Variants in GPR26 observed in about 807,000 individuals in gnomAD.
GPR26 encodes G protein-coupled receptor 26.
In GPR26, 15 loss-of-function variants were observed where a neutral mutation model predicts 23.1. The ratio of observed to expected loss-of-function variants is 0.65; its 90% confidence interval spans 0.43 to 1.00. The LOEUF (loss-of-function observed/expected upper bound fraction) is 1.00, where lower values mean the gene tolerates loss of function less well. GPR26 is among the 50% of genes least tolerant of loss of function. The probability of loss-of-function intolerance (pLI) is 0.00; values close to 1 mark genes in which losing one functional copy is unlikely to be tolerated. For missense variants in GPR26, 359 were observed against 470.5 expected, an observed-to-expected ratio of 0.76 and a Z score of 2.19; for synonymous variants, 228 against 222.1, an observed-to-expected ratio of 1.03 and a Z score of -0.24.
intron 1 of GPR26, among the ~76,000 whole-genome samples, chr10:123,671,914 G>C (rs1036947388): frequency 6.6e-6 from 1 of 152,206 alleles, no homozygotes; most frequent in South Asian, 2.1e-4. Flanking sequence ...GCTATGGAGG[G>C]GGACAAAATG....
At chr10:123,679,215 C>T (rs1466820483) in intron 2 of GPR26, among the ~76,000 whole-genome samples, 1 of 152,082 alleles carries the variant, frequency 6.6e-6, no homozygotes, top group African/African-American at 2.4e-5. Context: ...GGCAAAGGAC[C>T]CTCTAAGCTA....
intron 2 of GPR26, among the ~76,000 whole-genome samples, chr10:123,681,221 C>T (rs1189448837): frequency 6.6e-6 from 1 of 152,172 alleles, no homozygotes; most frequent in African/African-American, 2.4e-5. Flanking sequence ...GACTCAGCCT[C>T]AGTTCTAGTG....
At chr10:123,677,107 T>C (rs573684781) in intron 2 of GPR26, among the ~76,000 whole-genome samples, 16 of 152,172 alleles carry the variant, frequency 1.1e-4, no homozygotes, top group African/African-American at 3.6e-4. Flanking sequence ...CCTCAGAGGA[T>C]AGGTGACACG....
intron 2 of GPR26, among the ~76,000 whole-genome samples, chr10:123,678,381 A>T (rs113374293): frequency 3.9e-5 from 6 of 152,258 alleles, no homozygotes; most frequent in African/African-American, 1.4e-4. Flanking sequence ...GAGGATGCTC[A>T]GAACTTCCTC....
intron 1 of GPR26, among the ~76,000 whole-genome samples, chr10:123,669,428 G>A (rs1301261615): frequency 6.6e-6 from 1 of 152,226 alleles, no homozygotes; most frequent in Non-Finnish European, 1.5e-5. Context: ...CAAGTACAGA[G>A]CTAGCTCAGG....
chr10:123,666,930 G>T lies in GPR26; in HGVS notation c.523G>T (p.Ala175Ser). ...CCTGCGCTTCGCCGTCTTCACTGGCGCCTTCCACGCTCTCAGCTTCCTGCT... is the reference window on the plus strand; with the variant it reads ...CCTGCGCTTCGCCGTCTTCACTGGCTCCTTCCACGCTCTCAGCTTCCTGCT... The part of the protein sequence containing the change: ...ERLRFAVFTG[A>S]FHALSFLLSF... Residue 175 changes from alanine to serine, a missense_variant, in exon 1 of 3, where the codon GCC becomes TCC. Coordinates refer to ENST00000284674, the MANE Select transcript of GPR26 (RefSeq NM_153442.4). The T allele has an allele frequency of 6.2e-7, 1 of 1,613,498 alleles. No individual in the cohort carries two copies. Among genetic ancestry groups the T allele is most frequent in the Non-Finnish European group, 8.5e-7 (1 of 1,179,868 alleles).
intron 2 of GPR26, among the ~76,000 whole-genome samples, chr10:123,682,978 G>A (rs978064511): frequency 2.0e-5 from 3 of 152,140 alleles, no homozygotes; most frequent in African/African-American, 2.4e-5. Context: ...AGTACACAAC[G>A]TATGTGTGTG....
Position 123,688,025 on chromosome 10 carries a change from G to A in GPR26, c.879G>A (p.Val293=). 1 of 1,613,964 alleles carries A rather than the reference G, an allele frequency of 6.2e-7. No individual in the cohort carries two copies. The highest frequency in any genetic ancestry group is 8.5e-7 in the Non-Finnish European group (1 of 1,179,898). ...GCAAGGCCGCATCCGACCCCTTTGT[G>A]TACTCCTTACTGCGACACCAGTACC... The part of the protein sequence containing the change: ...AYSKAASDPF[V]YSLLRHQYRK... Residue 293 remains valine (V), a synonymous_variant, in exon 3 of 3, where the codon GTG becomes GTA. Transcript: ENST00000284674.
chr10:123,675,316 C>T (rs375676074), intron 2 of GPR26, among the ~76,000 whole-genome samples: 22 of 152,154 alleles, frequency 1.4e-4, no homozygotes, highest in African/African-American at 5.3e-4. Context: ...CCACTGAATG[C>T]AAGATGGCCC....
At chr10:123,679,436 T>C (rs538287356) in intron 2 of GPR26, among the ~76,000 whole-genome samples, 62 of 152,332 alleles carry the variant, frequency 4.1e-4, no homozygotes, top group African/African-American at 1.4e-3. Flanking sequence ...CTGGAGAGCT[T>C]TACATCCAAA....
intron 2 of GPR26, among the ~76,000 whole-genome samples, chr10:123,681,031 G>A (rs1219815): frequency 0.59 from 89,159 of 151,748 alleles, 26,408 homozygotes; most frequent in East Asian, 0.82. Flanking sequence ...TAGAGATGGG[G>A]TTTCACCATG....
Position 123,666,839 on chromosome 10 carries a change from G to T in GPR26, c.432G>T (p.Leu144=). 1 of 1,610,678 alleles carries T rather than the reference G, an allele frequency of 6.2e-7. No homozygotes were observed. The highest frequency in any genetic ancestry group is 8.5e-7 in the Non-Finnish European group (1 of 1,178,818). Residue 144 remains leucine, a synonymous_variant, in exon 1 of 3, where the codon CTG becomes CTT. Coordinates refer to ENST00000284674, the MANE Select transcript of GPR26 (RefSeq NM_153442.4). ...ALTFPAAALA[L]SWLGFHQLYA... is the part of the protein sequence containing the mutation. Reference sequence around the variant, plus strand: ...CCTTCCCAGCCGCCGCGCTCGCCCTGTCCTGGCTCGGCTTCCACCAGCTGT... The same window carrying T: ...CCTTCCCAGCCGCCGCGCTCGCCCTTTCCTGGCTCGGCTTCCACCAGCTGT...
chr10:123,678,732 C>A (rs1845335401), intron 2 of GPR26, among the ~76,000 whole-genome samples: 1 of 152,202 alleles, frequency 6.6e-6, no homozygotes, highest in African/African-American at 2.4e-5. Flanking sequence ...ATATTTACTG[C>A]ACCAGGGGCC....
At chr10:123,671,147 T>C (rs1054079035) in intron 1 of GPR26, among the ~76,000 whole-genome samples, 3 of 152,192 alleles carry the variant, frequency 2.0e-5, no homozygotes, top group Non-Finnish European at 4.4e-5. Context: ...GGCTGGACTT[T>C]AGTTGTCTAG....
intron 2 of GPR26, among the ~76,000 whole-genome samples, chr10:123,678,543 G>A (rs1845333287): frequency 6.6e-6 from 1 of 152,188 alleles, no homozygotes. Context: ...AGGGAGAGGA[G>A]TGCAAGGCAA....
intron 1 of GPR26, among the ~76,000 whole-genome samples, chr10:123,668,527 C>T (rs1247597103): frequency 6.6e-6 from 1 of 152,218 alleles, no homozygotes; most frequent in African/African-American, 2.4e-5. Flanking sequence ...GCCATGTGTA[C>T]ACAGGTTTAC....
Position 123,676,144 on chromosome 10 carries a change from C to G in GPR26, c.782+1213C>G, listed in dbSNP as rs530845316. 2.0e-5 allele frequency among the ~76,000 whole-genome samples: 3 copies of G among 152,282 alleles called. No individual in the cohort carries two copies. The East Asian group carries it at 5.8e-4, about 29-fold the overall frequency. On this transcript the variant is annotated intron_variant, in intron 2 of 2. Coordinates refer to ENST00000284674, the MANE Select transcript of GPR26 (RefSeq NM_153442.4). The stretch of plus-strand genomic sequence containing the variant: ...AGGAGCCCCCTGTGGATTGCAGACA[C>G]TGGGTCTGACTTCCTGGAGTCCAGC...
chr10:123,669,646 C>A (rs758468143), intron 1 of GPR26, among the ~76,000 whole-genome samples: 3 of 152,200 alleles, frequency 2.0e-5, no homozygotes, highest in Non-Finnish European at 2.9e-5. Context: ...TACAAAGGAC[C>A]TGTTTTGAGG....
At chr10:123,675,044 G>T (rs1845289675) in intron 2 of GPR26, 113 bp downstream of exon 2, 3 of 668,032 alleles carry the variant, frequency 4.5e-6, no homozygotes, top group Non-Finnish European at 8.0e-6. Flanking sequence ...GGTGTGTTGT[G>T]GGGGGCAAGA....
Sources: gnomAD v4.1 joint callset for allele counts (sites outside exome capture counted in the v4.1 genomes callset) on GRCh38, gnomAD v4.1.1 for gene constraint, MANE v1.5 for transcripts, NCBI Gene and HGNC (gene_info 2026-07-23, HGNC 2026-07-21) for gene names.